Variants in RXFP2 observed in about 807,000 individuals in gnomAD.
RXFP2 encodes relaxin family peptide receptor 2, also known as relaxin receptor 2.
Under a neutral mutation model 88.6 loss-of-function variants are expected in RXFP2, and 68 were observed. That is an observed-to-expected ratio of 0.77 (90% CI 0.63 to 0.94). The LOEUF (loss-of-function observed/expected upper bound fraction) is 0.94. RXFP2 is among the 40% of genes least tolerant of loss of function. RXFP2 has a pLI of 0.00. For synonymous variants in RXFP2, 329 were observed against 306.8 expected, an observed-to-expected ratio of 1.07 and a Z score of -0.76; for missense variants, 791 against 893.9, an observed-to-expected ratio of 0.88 and a Z score of 1.47.
At chr13:31,775,112 C>T (rs968648356) in intron 6 of RXFP2, among the ~76,000 whole-genome samples, 1 of 152,172 alleles carries the variant, frequency 6.6e-6, no homozygotes, top group Non-Finnish European at 1.5e-5. Context: ...TTTCTCTGCC[C>T]TGGCCCTGGT....
At chr13:31,785,271 T>C (rs1873479292) in intron 11 of RXFP2, among the ~76,000 whole-genome samples, 1 of 152,078 alleles carries the variant, frequency 6.6e-6, no homozygotes, top group Non-Finnish European at 1.5e-5. Context: ...CTTTCCCATT[T>C]TGTCTCCACG....
chr13:31,753,079 C>A (rs972258363), intron 1 of RXFP2, among the ~76,000 whole-genome samples: 7 of 152,166 alleles, frequency 4.6e-5, no homozygotes, highest in African/African-American at 1.7e-4. Context: ...TTGGCCTATA[C>A]CCCCCTGGAG....
intron 1 of RXFP2, among the ~76,000 whole-genome samples, chr13:31,754,629 CCTCT>C (rs1871846582): frequency 6.6e-6 from 1 of 152,194 alleles, no homozygotes; most frequent in African/African-American, 2.4e-5. Flanking sequence ...CATTGCCTCA[CCTCT>C]CTATTTCAAA....
At chr13:31,750,907 C>T (rs1871640483) in intron 1 of RXFP2, among the ~76,000 whole-genome samples, 1 of 152,154 alleles carries the variant, frequency 6.6e-6, no homozygotes, top group Non-Finnish European at 1.5e-5. Flanking sequence ...GAGAGTATAT[C>T]TCAGTTTTAC....
intron 7 of RXFP2, among the ~76,000 whole-genome samples, chr13:31,776,102 TTTTC>T (rs71099993): frequency 0.032 from 3,508 of 109,858 alleles, 87 homozygotes; most frequent in Admixed American, 0.06. Context: ...CTTTCTTTTC[TTTTC>T]TTTCTTTCTT....
At chr13:31,775,245 C>T (rs747334556) in intron 6 of RXFP2, 73 bp from the exon 7 acceptor site, 221 of 1,154,000 alleles carry the variant, frequency 1.9e-4, no homozygotes, top group Non-Finnish European at 2.7e-4. Flanking sequence ...TCATCAGTGG[C>T]TCATATTCTA....
intron 17 of RXFP2, 37 bp from the exon 18 acceptor site, chr13:31,802,109 C>T: frequency 5.0e-6 from 8 of 1,609,026 alleles, no homozygotes; most frequent in Non-Finnish European, 6.8e-6. Context: ...CTATTTAAAA[C>T]TTCAACTTTT....
intron 1 of RXFP2, among the ~76,000 whole-genome samples, chr13:31,749,437 A>G (rs1025623538): frequency 6.6e-6 from 1 of 152,154 alleles, no homozygotes; most frequent in Non-Finnish European, 1.5e-5. Context: ...GCATTTCCAC[A>G]TGCCTTTGAG....
At chr13:31,798,752 T>C (rs960527812) in intron 17 of RXFP2, among the ~76,000 whole-genome samples, 1 of 152,196 alleles carries the variant, frequency 6.6e-6, no homozygotes, top group African/African-American at 2.4e-5. Context: ...TTGTTTTCTA[T>C]GCTTTTCTGA....
At chr13:31,752,167 G>T (rs1871699821) in intron 1 of RXFP2, among the ~76,000 whole-genome samples, 1 of 152,154 alleles carries the variant, frequency 6.6e-6, no homozygotes, top group Admixed American at 6.5e-5. Flanking sequence ...CAATGTAAAT[G>T]AAAATGTATT....
At chr13:31,774,588 A>G in intron 5 of RXFP2, 32 bp from the exon 6 acceptor site, 2 of 1,092,832 alleles carry the variant, frequency 1.8e-6, no homozygotes, top group Non-Finnish European at 2.8e-6. Context: ...ATAAACCATA[A>G]TCACCTGACT....
At position 31,758,240 on chromosome 13, in the gene RXFP2, GCC is replaced by G; in HGVS notation, c.95-15_95-14del. On this transcript the variant is annotated splice_polypyrimidine_tract_variant and intron_variant, in intron 1 of 17. Transcript: ENST00000298386. ...TTGGCCATGGTAACACTTTGTTTTTGCCCCTTCTTTCATGTAGATTTTGCACT... is the reference window on the plus strand; with the variant it reads ...TTGGCCATGGTAACACTTTGTTTTTGCCTTCTTTCATGTAGATTTTGCACT... 2 of 1,613,828 alleles carry G rather than the reference GCC, an allele frequency of 1.2e-6. No individual in the cohort carries two copies. The highest frequency in any genetic ancestry group is 1.7e-6 in the Non-Finnish European group (2 of 1,179,836).
intron 10 of RXFP2, among the ~76,000 whole-genome samples, chr13:31,782,229 A>C (rs535490662): frequency 9.2e-5 from 14 of 152,080 alleles, no homozygotes; most frequent in African/African-American, 3.4e-4. Flanking sequence ...TATATTTTTT[A>C]TGGGGGCGGG....
At chr13:31,756,356 T>A (rs1408818455) in intron 1 of RXFP2, among the ~76,000 whole-genome samples, 2 of 152,186 alleles carry the variant, frequency 1.3e-5, no homozygotes, top group African/African-American at 4.8e-5. Context: ...ACAGTTGCCA[T>A]TAACATCAAA....
intron 2 of RXFP2, among the ~76,000 whole-genome samples, chr13:31,759,889 C>T (rs934785547): frequency 6.6e-6 from 1 of 152,094 alleles, no homozygotes; most frequent in African/African-American, 2.4e-5. Context: ...CCACACTTCC[C>T]GTGGATCACT....
rs1371006178 is a variant in RXFP2 at position 31,758,422 on chromosome 13, C to T, written c.241+18C>T. 6 of 1,613,644 alleles carry T rather than the reference C, an allele frequency of 3.7e-6. No individual in the cohort carries two copies. The African/African-American group carries it at 5.3e-5, about 14-fold the overall frequency. ...GAACTGTGGTGAGTGCTCCCCTCGG[C>T]TCCCCATGTGTGCCTCACTTTATGA... On this transcript the variant is annotated intron_variant, in intron 2 of 17. Coordinates refer to ENST00000298386, the MANE Select transcript of RXFP2 (RefSeq NM_130806.5).
chr13:31,793,133 G>A (rs1873876095), intron 16 of RXFP2, 45 bp downstream of exon 16: 2 of 1,496,852 alleles, frequency 1.3e-6, no homozygotes, highest in East Asian at 2.3e-5. Flanking sequence ...AATTTTGCTA[G>A]AAATACGTTA....
At chr13:31,745,329 T>C (rs1454645670) in intron 1 of RXFP2, among the ~76,000 whole-genome samples, 1 of 152,220 alleles carries the variant, frequency 6.6e-6, no homozygotes, top group Admixed American at 6.5e-5. Flanking sequence ...TGTTCAGGTC[T>C]GAACTGTCGC....
rs1872072260 is a variant in RXFP2 at position 31,758,377 on chromosome 13, G to C, written c.214G>C (p.Gly72Arg). 1 of 1,614,024 alleles carries C rather than the reference G, an allele frequency of 6.2e-7. No individual in the cohort carries two copies. Among genetic ancestry groups the C allele is most frequent in the African/African-American group, 1.3e-5 (1 of 74,924 alleles). The change falls in exon 2 of 18, where the codon GGG becomes CGG. Residue 72 changes from glycine to arginine, a missense_variant. Coordinates refer to ENST00000298386, the MANE Select transcript of RXFP2 (RefSeq NM_130806.5). ...AFHCDGKDDCGNGADEENCGD... is the reference protein window; with the variant it reads ...AFHCDGKDDCRNGADEENCGD... ...TCACTGTGATGGCAAGGATGACTGT[G>C]GGAACGGGGCGGACGAAGAGAACTG... is the stretch of plus-strand genomic sequence containing the variant.
Sources: allele counts gnomAD v4.1 joint callset (sites outside exome capture counted in the v4.1 genomes callset), GRCh38; gene constraint gnomAD v4.1.1; transcripts MANE v1.5; gene names NCBI Gene and HGNC (gene_info 2026-07-23, HGNC 2026-07-21).